TTF2: variants seen among roughly 807,000 people sequenced by gnomAD.
TTF2 encodes the protein transcription termination factor 2.
TTF2 carries 108 observed loss-of-function variants against 142.4 expected under a neutral mutation model. The ratio of observed to expected loss-of-function variants is 0.76; its 90% confidence interval spans 0.65 to 0.89. TTF2 has a LOEUF of 0.89. Ranked by LOEUF, TTF2 falls within the 40% of genes least tolerant of loss-of-function variation. The probability of loss-of-function intolerance (pLI) is 0.00; values close to 1 mark genes in which losing one functional copy is unlikely to be tolerated. For synonymous variants in TTF2, 483 were observed against 506.2 expected (o/e 0.95, Z 0.61); for missense variants, 1,327 against 1,379.8 (o/e 0.96, Z 0.61).
At chr1:117,060,773 C>G (rs377156688) in intron 2 of TTF2, among the ~76,000 whole-genome samples, 71 of 152,318 alleles carry the variant, frequency 4.7e-4, no homozygotes, top group African/African-American at 1.2e-3. Context: ...CTGGTTACCC[C>G]CCTCTCTGGG....
rs1353907512 is a variant in TTF2 at position 117,102,013 on chromosome 1, A to C, written c.*489A>C. 4 of 152,792 alleles carry C rather than the reference A, an allele frequency of 2.6e-5. No homozygotes were observed. In the East Asian group the frequency reaches 7.7e-4, roughly 29 times the overall value. 9.5% of individuals were successfully genotyped at this position (152,792 alleles called of 1,614,324 possible). A position where few individuals can be genotyped will look rare whatever the true frequency, so the allele number is the denominator to read the frequency against. On this transcript the variant is annotated 3_prime_UTR_variant, in exon 23 of 23. Coordinates refer to ENST00000369466, the MANE Select transcript of TTF2 (RefSeq NM_003594.4). The stretch of plus-strand genomic sequence containing the variant: ...AAAAATGAGCTAGGCGTGGTAGTGC[A>C]CACCTGTAGTCCTAGCTACTTGGGA...
rs562394205 is a variant in TTF2, at chr1:117,070,913, G to A, written c.219-2748G>A. ...TAGTGGCATCAAGGGACCAGGACCTGCTCAGGACCCCTGAATTAGGATGCA... is the reference window on the plus strand; with the variant it reads ...TAGTGGCATCAAGGGACCAGGACCTACTCAGGACCCCTGAATTAGGATGCA... On this transcript the variant is annotated intron_variant, in intron 3 of 22. Coordinates refer to ENST00000369466, the MANE Select transcript of TTF2 (RefSeq NM_003594.4). This position sits in a 1 kb window ranked among gnomAD's most constrained non-coding sequence, Gnocchi z 4.2. Among the ~76,000 whole-genome samples the A allele has an allele frequency of 3.5e-4, 54 of 152,252 alleles. 1 individual carries two copies. The highest frequency in any genetic ancestry group is 7.1e-4 in the Non-Finnish European group (48 of 68,008).
rs1656891668 is a variant in TTF2 at position 117,075,202 on chromosome 1, A to G, written c.618A>G (p.Ala206=). 1.2e-6 allele frequency: 2 copies of G among 1,614,240 alleles called. No individual in the cohort carries two copies. Among genetic ancestry groups the G allele is most frequent in the Non-Finnish European group, 1.7e-6 (2 of 1,180,038 alleles). ...QEEGAEIQCE[A]ETGGTHKRDF... ...AGGGAGCAGAGATTCAGTGTGAGGC[A>G]GAGACTGGAGGCACACACAAAAGAG... is the stretch of plus-strand genomic sequence containing the variant. The change falls in exon 5 of 23, where the codon GCA becomes GCG. Residue 206 remains alanine (A), a synonymous_variant. Coordinates refer to ENST00000369466, the MANE Select transcript of TTF2 (RefSeq NM_003594.4). The surrounding 1 kb of genome is among the most constrained non-coding windows in gnomAD (Gnocchi z 4.5).
chr1:117,083,606 C>T (rs1475414268), intron 10 of TTF2, among the ~76,000 whole-genome samples: 2 of 152,202 alleles, frequency 1.3e-5, no homozygotes, highest in Admixed American at 6.5e-5. Context: ...TGCTTTTTCA[C>T]ACTGAGGTCA....
At chr1:117,094,316 T>G (rs551538004) in intron 18 of TTF2, among the ~76,000 whole-genome samples, 1 of 152,278 alleles carries the variant, frequency 6.6e-6, no homozygotes, top group African/African-American at 2.4e-5. Flanking sequence ...TTCTGTATAT[T>G]TGTCTCCTGA....
rs1228254975 is a variant in TTF2, at chr1:117,060,374, G to C, written c.28G>C (p.Gly10Arg). ...GGAAGAAGTTAGGTGTCCAGAGCAC[G>C]GTAAGGGGCTAGGGTCTCAGCGTCC... MEEVRCPEH[G>R]TFCFLKTGVR... Residue 10 changes from glycine (G) to arginine (R), a missense_variant and splice_region_variant, in exon 1 of 23, where the codon GGG becomes CGG. By Grantham distance (125) the Gly-to-Arg change is moderately radical (BLOSUM62 -2). Coordinates refer to ENST00000369466, the MANE Select transcript of TTF2 (RefSeq NM_003594.4). 1.2e-6 allele frequency: 2 copies of C among 1,607,046 alleles called. No individual in the cohort carries two copies. Among genetic ancestry groups the C allele is most frequent in the African/African-American group, 1.3e-5 (1 of 74,836 alleles).
chr1:117,085,966 G>A lies in TTF2; in HGVS notation c.2055-451G>A, dbSNP rs1002843484. Among the ~76,000 whole-genome samples, 4 of 152,298 alleles carry A rather than the reference G, an allele frequency of 2.6e-5. No individual in the cohort carries two copies. The highest frequency in any genetic ancestry group is 5.9e-5 in the Non-Finnish European group (4 of 68,022). ...GCACCATTGATACAAGGTGAACAGT[G>A]TTTTGAAGTTATCTTTCTCCCCTGG... On this transcript the variant is annotated intron_variant, in intron 11 of 22. Coordinates refer to ENST00000369466, the MANE Select transcript of TTF2 (RefSeq NM_003594.4). This position sits in a 1 kb window ranked among gnomAD's most constrained non-coding sequence, Gnocchi z 4.7.
rs943017368 is a variant in TTF2, at chr1:117,100,719, T to C, written c.3345-661T>C. On this transcript the variant is annotated intron_variant, in intron 22 of 22. Coordinates refer to ENST00000369466, the MANE Select transcript of TTF2 (RefSeq NM_003594.4). This position sits in a 1 kb window ranked among gnomAD's most constrained non-coding sequence, Gnocchi z 4.6. ...AACATACAAGTCTCATATTAAGAGT[T>C]AACTGTTTAATGGGGCCCTCCCTGA... 1.3e-5 allele frequency among the ~76,000 whole-genome samples: 2 copies of C among 152,172 alleles called. No homozygotes were observed. Among genetic ancestry groups the C allele is most frequent in the African/African-American group, 4.8e-5 (2 of 41,440 alleles).
At chr1:117,064,092 G>A (rs957995462) in intron 3 of TTF2, among the ~76,000 whole-genome samples, 1 of 152,068 alleles carries the variant, frequency 6.6e-6, no homozygotes, top group African/African-American at 2.4e-5. Flanking sequence ...TTACATAAGT[G>A]GAATCATAAA....
chr1:117,091,881 C>T lies in TTF2; in HGVS notation c.2736C>T (p.Ser912=), dbSNP rs1225186080. ...AGGCAGCAGACTCACCGAGATCCAG[C>T]ACCGTCCACATACTGTCCCAGTTGC... The part of the protein sequence containing the change: ...HSEAADSPRS[S]TVHILSQLLR... The change falls in exon 17 of 23, where the codon AGC becomes AGT. Residue 912 remains serine, a synonymous_variant. Transcript: ENST00000369466. 3 of 1,613,728 alleles carry T rather than the reference C, an allele frequency of 1.9e-6. No homozygotes were observed. Among genetic ancestry groups the T allele is most frequent in the Admixed American group, 1.7e-5 (1 of 60,008 alleles).
chr1:117,065,915 G>A (rs1363222277), intron 3 of TTF2, among the ~76,000 whole-genome samples: 1 of 150,606 alleles, frequency 6.6e-6, no homozygotes, highest in African/African-American at 2.5e-5. Context: ...AACTATGGAG[G>A]ACAGATTAGA....
rs1053147890 is a variant in TTF2, at chr1:117,086,270, T to C, written c.2055-147T>C. The C allele has an allele frequency of 1.5e-4, 90 of 580,740 alleles. No homozygotes were observed. Among genetic ancestry groups the C allele is most frequent in the African/African-American group, 4.1e-4 (21 of 50,634 alleles). 36.0% of individuals were successfully genotyped at this position (580,740 alleles called of 1,614,324 possible). A position where few individuals can be genotyped will look rare whatever the true frequency, so the allele number is the denominator to read the frequency against. On this transcript the variant is annotated intron_variant, in intron 11 of 22. Coordinates refer to ENST00000369466, the MANE Select transcript of TTF2 (RefSeq NM_003594.4). The surrounding 1 kb of genome is among the most constrained non-coding windows in gnomAD (Gnocchi z 4.2). ...AAATGTGTGTGTGTGTGTGTGTGTG[T>C]GCGTGTGTGTGTTAAGGACACAAGT... is the stretch of plus-strand genomic sequence containing the variant.
At chr1:117,083,934 G>T in intron 10 of TTF2, 84 bp from the exon 11 acceptor site, 1 of 1,510,022 alleles carries the variant, frequency 6.6e-7, no homozygotes, top group South Asian at 1.2e-5. Context: ...AACACAGCAA[G>T]ACCGTGTCTC....
In TTF2 at chr1:117,070,951, T is replaced by A. The variant is rs1438469800; in HGVS notation, c.219-2710T>A. 1.3e-5 allele frequency among the ~76,000 whole-genome samples: 2 copies of A among 152,200 alleles called. No homozygotes were observed. Among genetic ancestry groups the A allele is most frequent in the Non-Finnish European group, 2.9e-5 (2 of 68,032 alleles). ...GAATTAGGATGCAGACTGTTGTGAT[T>A]CATGTTGTACATCATGGGACTAATT... On this transcript the variant is annotated intron_variant, in intron 3 of 22. Coordinates refer to ENST00000369466, the MANE Select transcript of TTF2 (RefSeq NM_003594.4). This position sits in a 1 kb window ranked among gnomAD's most constrained non-coding sequence, Gnocchi z 4.2.
chr1:117,096,435 T>A, intron 20 of TTF2, 136 bp downstream of exon 20: 2 of 1,125,142 alleles, frequency 1.8e-6, no homozygotes, highest in Non-Finnish European at 1.2e-6. Context: ...TGGACTGCAA[T>A]AGTGCTATCT....
rs756873482 is a variant in TTF2, at chr1:117,060,511, T to A, written c.85T>A (p.Phe29Ile). 1.4e-5 allele frequency: 23 copies of A among 1,614,054 alleles called. No homozygotes were observed. In the East Asian group the frequency reaches 4.9e-4, roughly 34 times the overall value. Reference sequence around the variant, plus strand: ...CGATGGCCCGAATAAAGGAAAGAGCTTCTACGTGTGCCGGGCAGACACGTG... The same window carrying A: ...CGATGGCCCGAATAAAGGAAAGAGCATCTACGTGTGCCGGGCAGACACGTG... ...VRDGPNKGKS[F>I]YVCRADTCSF... Residue 29 changes from phenylalanine (F) to isoleucine (I), a missense_variant, in exon 2 of 23, where the codon TTC (phenylalanine) becomes ATC (isoleucine). Coordinates refer to ENST00000369466, the MANE Select transcript of TTF2 (RefSeq NM_003594.4).
Position 117,079,756 on chromosome 1 carries a change from C to G in TTF2, c.1783+107C>G. The G allele has an allele frequency of 9.7e-7, 1 of 1,029,916 alleles. No individual in the cohort carries two copies. The highest frequency in any genetic ancestry group is 2.0e-5 in the Admixed American group (1 of 48,948). The allele number at this position is 1,029,916 out of a possible 1,614,324, so 63.8% of individuals were successfully genotyped here. Reference sequence around the variant, plus strand: ...TCTCAAGAACTCTATGAGGCAGGTACTATTATTCCTCATTTTACAGATGAT... The same window carrying G: ...TCTCAAGAACTCTATGAGGCAGGTAGTATTATTCCTCATTTTACAGATGAT... On this transcript the variant is annotated intron_variant, in intron 9 of 22. Transcript: ENST00000369466. The surrounding 1 kb of genome is among the most constrained non-coding windows in gnomAD (Gnocchi z 4.2).
chr1:117,103,979 GA>G lies in TTF2; in HGVS notation c.*2462del, dbSNP rs1005261681. 2.0e-5 allele frequency: 3 copies of G among 148,138 alleles called. No homozygotes were observed. Among genetic ancestry groups the G allele is most frequent in the Non-Finnish European group, 3.0e-5 (2 of 66,898 alleles). The allele number at this position is 148,138 out of a possible 1,614,324, so 9.2% of individuals were successfully genotyped here. On this transcript the variant is annotated 3_prime_UTR_variant, in exon 23 of 23. Coordinates refer to ENST00000369466, the MANE Select transcript of TTF2 (RefSeq NM_003594.4). ...AAAAAAAAAAAAAAAAAAAGAGAGAGAAAAAAATCCTTACTTTCTCTACACT... is the reference window on the plus strand; with the variant it reads ...AAAAAAAAAAAAAAAAAAAGAGAGAGAAAAAATCCTTACTTTCTCTACACT...
Position 117,080,040 on chromosome 1 carries a change from G to A in TTF2, c.1783+391G>A, listed in dbSNP as rs928903616. Among the ~76,000 whole-genome samples the A allele has an allele frequency of 7.0e-6, 1 of 142,580 alleles. No individual in the cohort carries two copies. Among genetic ancestry groups the A allele is most frequent in the African/African-American group, 2.6e-5 (1 of 37,842 alleles). The allele number at this position is 142,580 out of a possible 152,430, so 93.5% of individuals were successfully genotyped here. ...TTTTTTTTTTTTGAGATGGAGTTTC[G>A]CTCTTGTCACCCAGGCTGGAGTGCT... On this transcript the variant is annotated intron_variant, in intron 9 of 22. Transcript: ENST00000369466. The surrounding 1 kb of genome is among the most constrained non-coding windows in gnomAD (Gnocchi z 4.3).
Sources: gnomAD v4.1 joint callset for allele counts (sites outside exome capture counted in the v4.1 genomes callset) on GRCh38, gnomAD v4.1.1 for gene constraint, Gnocchi (gnomAD v3.1) non-coding constraint, MANE v1.5 for transcripts, NCBI Gene and HGNC (gene_info 2026-07-23, HGNC 2026-07-21) for gene names.